Variants in LOXL4 observed in about 807,000 individuals in gnomAD.
LOXL4 encodes the protein lysyl oxidase homolog 4.
Under a neutral mutation model 89.1 loss-of-function variants are expected in LOXL4, and 72 were observed. The observed-to-expected ratio is 0.81, with a 90% confidence interval of 0.67 to 0.98. The LOEUF is 0.98. LOXL4 is among the 50% of genes least tolerant of loss of function. The pLI is 0.00. For synonymous variants in LOXL4, 355 were observed against 392.1 expected (o/e 0.91, Z 1.12); for missense variants, 984 against 1,017.5 (o/e 0.97, Z 0.45).
chr10:98,261,588 C>T (rs1047851628), intron 3 of LOXL4, among the ~76,000 whole-genome samples: 9 of 152,216 alleles, frequency 5.9e-5, no homozygotes, highest in Non-Finnish European at 1.0e-4. Flanking sequence ...AGTACAGAGT[C>T]CCCATCACAA....
chr10:98,255,693 A>C lies in LOXL4; in HGVS notation c.1475T>G (p.Met492Arg). 1 of 1,613,416 alleles carries C rather than the reference A, an allele frequency of 6.2e-7. No individual in the cohort carries two copies. Among genetic ancestry groups the C allele is most frequent in the Non-Finnish European group, 8.5e-7 (1 of 1,179,416 alleles). The change falls in exon 10 of 15, where the codon ATG becomes AGG. Residue 492 changes from methionine to arginine, a missense_variant. Physicochemically the swap from Met to Arg is moderately conservative, Grantham distance 91 (BLOSUM62 -1). Transcript: ENST00000260702. ...SGTPRAQEVV[M>R]SGVRCSGTEL... ...TGTGCCTGAGCAGCGCACCCCACTCATCACCACCTCCTGGGCCCTTGGCGT... is the reference window on the plus strand; with the variant it reads ...TGTGCCTGAGCAGCGCACCCCACTCCTCACCACCTCCTGGGCCCTTGGCGT...
At chr10:98,258,243 A>C in intron 6 of LOXL4, 79 bp from the exon 7 acceptor site, 12 of 1,386,210 alleles carry the variant, frequency 8.7e-6, no homozygotes, top group Non-Finnish European at 1.1e-5. Flanking sequence ...GGGATCCCCA[A>C]CGGGGCTCCT....
Position 98,262,708 on chromosome 10 carries a change from C to T in LOXL4, c.277+35G>A, listed in dbSNP as rs78402300. The stretch of plus-strand genomic sequence containing the variant: ...CAGCCCAAGAAGACTGTTACCATCT[C>T]CTTGCCATCCCACTAGGTGGCACCA... On this transcript the variant is annotated intron_variant, in intron 2 of 14. Coordinates refer to ENST00000260702, the MANE Select transcript of LOXL4 (RefSeq NM_032211.7). 1.1e-3 allele frequency: 1,767 copies of T among 1,594,552 alleles called. 9 individuals are homozygous for T. In the African/African-American group the frequency reaches 0.022, roughly 20 times the overall value.
chr10:98,263,421 C>G (rs2045838157), intron 1 of LOXL4, among the ~76,000 whole-genome samples: 1 of 152,204 alleles, frequency 6.6e-6, no homozygotes, highest in Non-Finnish European at 1.5e-5. Context: ...TAAACAGCAG[C>G]TCTTATACAC....
Position 98,258,043 on chromosome 10 carries a change from A to T in LOXL4, c.1043T>A (p.Val348Glu). The change falls in exon 7 of 15, where the codon GTG (valine) becomes GAG (glutamate). Residue 348 changes from valine to glutamate, a missense_variant. Coordinates refer to ENST00000260702, the MANE Select transcript of LOXL4 (RefSeq NM_032211.7). ...HRWNLISASV[V>E]CRQLGFGSAR... ...AGAGCCAAAGCCCAGCTGACGACAC[A>T]CGACACTGGCAGAGATGAGGTTCCA... 1 of 1,613,894 alleles carries T rather than the reference A, an allele frequency of 6.2e-7. No homozygotes were observed. Among genetic ancestry groups the T allele is most frequent in the Non-Finnish European group, 8.5e-7 (1 of 1,180,034 alleles).
intron 2 of LOXL4, 119 bp downstream of exon 2, chr10:98,262,624 G>A: frequency 7.9e-7 from 1 of 1,263,668 alleles, no homozygotes; most frequent in South Asian, 1.4e-5. Context: ...CTCAGGAAAT[G>A]CCGTGTGGAG....
At chr10:98,261,645 TGCCTGG>T (rs1858545515) in intron 3 of LOXL4, among the ~76,000 whole-genome samples, 1 of 152,260 alleles carries the variant, frequency 6.6e-6, no homozygotes, top group Non-Finnish European at 1.5e-5. Context: ...GGCTGGAGGC[TGCCTGG>T]CAGCAGAGCC....
At chr10:98,253,822 G>T in intron 10 of LOXL4, 26 bp from the exon 11 acceptor site, 2 of 1,612,392 alleles carry the variant, frequency 1.2e-6, no homozygotes, top group South Asian at 1.1e-5. Context: ...GCATGGCAGT[G>T]ACTCAAAGGG....
chr10:98,255,478 A>G (rs1858331335), intron 10 of LOXL4, 99 bp downstream of exon 10: 1 of 1,337,376 alleles, frequency 7.5e-7, no homozygotes, highest in South Asian at 1.6e-5. Flanking sequence ...TCATTCCCCC[A>G]TGCTGCTGGC....
In LOXL4 at chr10:98,259,435, A is replaced by G. The variant is rs1472120392; in HGVS notation, c.663-6T>C. On this transcript the variant is annotated splice_polypyrimidine_tract_variant and splice_region_variant and intron_variant, in intron 4 of 14. Transcript: ENST00000260702. ...TCTTCAGATCCCAGACTTTCCTGTT[A>G]TGGGAGAAAACAGATAGGAGGTGGA... 6.2e-7 allele frequency: 1 copy of G among 1,612,510 alleles called. No homozygotes were observed. The highest frequency in any genetic ancestry group is 1.3e-5 in the African/African-American group (1 of 74,828).
chr10:98,265,752 A>G (rs1413297431), intron 1 of LOXL4, among the ~76,000 whole-genome samples: 1 of 152,212 alleles, frequency 6.6e-6, no homozygotes, highest in African/African-American at 2.4e-5. Flanking sequence ...CCGTTGGTCT[A>G]GATTGGTCCC....
chr10:98,253,316 A>T (rs563425979), intron 11 of LOXL4, among the ~76,000 whole-genome samples: 10 of 152,368 alleles, frequency 6.6e-5, no homozygotes, highest in Admixed American at 3.3e-4. Context: ...TGACGCCTCT[A>T]TGGGATGTTG....
At chr10:98,251,383 A>G (rs78500686) in intron 13 of LOXL4, among the ~76,000 whole-genome samples, 183 bp downstream of exon 13, 1,828 of 152,352 alleles carry the variant, frequency 0.012, 19 homozygotes, top group Admixed American at 0.016. Context: ...CACTGAATCA[A>G]TACTCAAACA....
intron 4 of LOXL4, 27 bp from the exon 5 acceptor site, chr10:98,259,456 G>T (rs1406621736): frequency 6.2e-7 from 1 of 1,608,940 alleles, no homozygotes; most frequent in Non-Finnish European, 8.5e-7. Flanking sequence ...CAGATAGGAG[G>T]TGGAAGGGGT....
rs761931883 is a variant in LOXL4, at chr10:98,262,892, T to C, written c.128A>G (p.Glu43Gly). Residue 43 changes from glutamate (E) to glycine (G), a missense_variant, in exon 2 of 15, where the codon GAG becomes GGG. Coordinates refer to ENST00000260702, the MANE Select transcript of LOXL4 (RefSeq NM_032211.7). ...CTGGTGCAGCACCTCCAGGCGGCCCTCCTCTGGCTTGCTCTCTGGGCCCAC... is the reference window on the plus strand; with the variant it reads ...CTGGTGCAGCACCTCCAGGCGGCCCCCCTCTGGCTTGCTCTCTGGGCCCAC... ...RLVGPESKPE[E>G]GRLEVLHQGQ... The C allele has an allele frequency of 2.8e-5, 45 of 1,613,532 alleles. No individual in the cohort carries two copies. Among genetic ancestry groups the C allele is most frequent in the Non-Finnish European group, 3.6e-5 (42 of 1,180,044 alleles).
In LOXL4 at chr10:98,262,982, A is replaced by G; in HGVS notation, c.38T>C (p.Leu13Pro). The G allele has an allele frequency of 6.2e-7, 1 of 1,613,770 alleles. No individual in the cohort carries two copies. The highest frequency in any genetic ancestry group is 2.2e-5 in the East Asian group (1 of 44,868). Reference protein sequence around the residue: ...WSPPATLFLFLLLLGQPPPSR... With the variant: ...WSPPATLFLFPLLLGQPPPSR... ...GGGAGGGGGCTGGCCTAGCAGCAGC[A>G]GGAACAGAAAGAGGGTGGCTGGTGG... Residue 13 changes from leucine (L) to proline (P), a missense_variant, in exon 2 of 15, where the codon CTG becomes CCG. Physicochemically the swap from Leu to Pro is moderately conservative, Grantham distance 98. Transcript: ENST00000260702.
At position 98,262,139 on chromosome 10, in the gene LOXL4, C is replaced by T. The variant is rs748324815; in HGVS notation, c.352G>A (p.Gly118Arg). Reference sequence around the variant, plus strand: ...TCTGAGTGACTGCAGTCACTGACTCCCCAGCCATTAGACCCGCACTGGTCC... The same window carrying T: ...TCTGAGTGACTGCAGTCACTGACTCTCCAGCCATTAGACCCGCACTGGTCC... Reference protein sequence around the residue: ...SLDQCGSNGWGVSDCSHSEDV... With the variant: ...SLDQCGSNGWRVSDCSHSEDV... The change falls in exon 3 of 15, where the codon GGA becomes AGA. Residue 118 changes from glycine (G) to arginine (R), a missense_variant. Coordinates refer to ENST00000260702, the MANE Select transcript of LOXL4 (RefSeq NM_032211.7). The T allele has an allele frequency of 6.2e-7, 1 of 1,613,634 alleles. No individual in the cohort carries two copies.
Position 98,262,876 on chromosome 10 carries a change from C to T in LOXL4, c.144G>A (p.Val48=), listed in dbSNP as rs1262856762. 1.2e-6 allele frequency: 2 copies of T among 1,613,726 alleles called. No individual in the cohort carries two copies. Among genetic ancestry groups the T allele is most frequent in the Non-Finnish European group, 1.7e-6 (2 of 1,180,050 alleles). Residue 48 remains valine (V), a synonymous_variant, in exon 2 of 15, where the codon GTG becomes GTA. Coordinates refer to ENST00000260702, the MANE Select transcript of LOXL4 (RefSeq NM_032211.7). ...CGGTGCCCCACTGGCCCTGGTGCAG[C>T]ACCTCCAGGCGGCCCTCCTCTGGCT... ...ESKPEEGRLE[V]LHQGQWGTVC...
rs368762731 is a variant in LOXL4 at position 98,248,891 on chromosome 10, G to A, written c.*30C>T. On this transcript the variant is annotated 3_prime_UTR_variant, in exon 15 of 15. Transcript: ENST00000260702. ...AATAAGCTGAGGTATCTGGTGTATC[G>A]GCAGCAGCTAGGAGTGTGCAGTGAC... 95 of 1,591,770 alleles carry A rather than the reference G, an allele frequency of 6.0e-5. No individual in the cohort carries two copies. The South Asian group carries it at 7.5e-4, about 13-fold the overall frequency.
Sources: gnomAD v4.1 joint callset for allele counts (sites outside exome capture counted in the v4.1 genomes callset) on GRCh38, gnomAD v4.1.1 for gene constraint, MANE v1.5 for transcripts, NCBI Gene and HGNC (gene_info 2026-07-23, HGNC 2026-07-21) for gene names.